Variants in KCNMA1 observed in about 807,000 individuals in gnomAD.
KCNMA1 encodes the protein potassium calcium-activated channel subfamily M alpha 1.
In KCNMA1, 29 loss-of-function variants were observed where a neutral mutation model predicts 140.0. The ratio of observed to expected loss-of-function variants is 0.21; its 90% CI spans 0.15 to 0.28. The LOEUF is 0.28. Among genes scored for constraint, KCNMA1 ranks in the 10% least tolerant of loss-of-function variants. The pLI, the probability that KCNMA1 is intolerant of heterozygous loss-of-function variation, is 1.00. For synonymous variants in KCNMA1, 612 were observed against 611.9 expected (o/e 1.00, Z 0.00); for missense variants, 880 against 1,602.2 (o/e 0.55, Z 7.70).
At chr10:77,448,871 G>A (rs909073041) in intron 1 of KCNMA1, among the ~76,000 whole-genome samples, 37 of 151,998 alleles carry the variant, frequency 2.4e-4, no homozygotes, top group Admixed American at 1.2e-3. Flanking sequence ...GGCAGATTAC[G>A]AGGTCAGGAG....
chr10:77,634,212 TAG>T, intron 1 of KCNMA1: 1 of 985,408 alleles, frequency 1.0e-6, no homozygotes. Context: ...CCCAAGTGAA[TAG>T]AGAGCTCTGA....
intron 14 of KCNMA1, among the ~76,000 whole-genome samples, chr10:77,054,876 A>G (rs1236597424): frequency 6.6e-6 from 1 of 152,140 alleles, no homozygotes; most frequent in Admixed American, 6.5e-5. Context: ...GCCACCTCAC[A>G]TTGTTCTACC....
intron 16 of KCNMA1, among the ~76,000 whole-genome samples, chr10:77,023,739 T>C (rs1254261730): frequency 6.6e-6 from 1 of 152,200 alleles, no homozygotes; most frequent in African/African-American, 2.4e-5. Context: ...TCTTATCACC[T>C]TTCTGGAACT....
intron 2 of KCNMA1, among the ~76,000 whole-genome samples, chr10:77,295,787 C>CAAAAAAAAAAAAAAAA (rs36034012): frequency 1.8e-4 from 8 of 43,262 alleles, no homozygotes; most frequent in African/African-American, 4.3e-4. Context: ...GACTCCGTCT[C>CAAAAAAAAAAAAAAAA]AAAAAAAAAA....
intron 7 of KCNMA1, among the ~76,000 whole-genome samples, chr10:77,111,275 G>A (rs750095900): frequency 5.3e-5 from 8 of 152,258 alleles, no homozygotes; most frequent in Non-Finnish European, 1.2e-4. Context: ...AGGGCCTGTA[G>A]ACGGTGGCCC....
At chr10:77,383,640 T>C (rs2095503706) in intron 2 of KCNMA1, among the ~76,000 whole-genome samples, 1 of 152,168 alleles carries the variant, frequency 6.6e-6, no homozygotes, top group Admixed American at 6.5e-5. Context: ...TATCAATAAG[T>C]AATCAATATA....
chr10:76,981,527 G>C (rs1241106346), intron 19 of KCNMA1, among the ~76,000 whole-genome samples: 1 of 152,086 alleles, frequency 6.6e-6, no homozygotes, highest in East Asian at 1.9e-4. Flanking sequence ...TCTGCTGGGA[G>C]GTCATGGGAT....
intron 2 of KCNMA1, among the ~76,000 whole-genome samples, chr10:77,393,196 C>A (rs1270109523): frequency 6.6e-6 from 1 of 152,182 alleles, no homozygotes. Context: ...TTGCCTGGGG[C>A]ATTCAGAGCC....
intron 5 of KCNMA1, among the ~76,000 whole-genome samples, chr10:77,123,148 C>G (rs1314782930): frequency 7.9e-6 from 1 of 127,100 alleles, no homozygotes; most frequent in African/African-American, 3.2e-5. Flanking sequence ...CCACTGCACT[C>G]CAGCCTGGGC....
At chr10:77,263,407 C>T (rs2062551663) in intron 2 of KCNMA1, among the ~76,000 whole-genome samples, 1 of 152,062 alleles carries the variant, frequency 6.6e-6, no homozygotes, top group Non-Finnish European at 1.5e-5. Flanking sequence ...AAAGAGTGTT[C>T]CCTTCATCCT....
chr10:77,354,295 T>C (rs2093260610), intron 2 of KCNMA1: 1 of 152,276 alleles, frequency 6.6e-6, no homozygotes, highest in African/African-American at 2.4e-5. Flanking sequence ...AACTCAGGCC[T>C]GCCTGCCTGT....
chr10:77,620,267 G>A (rs911459176), intron 1 of KCNMA1, among the ~76,000 whole-genome samples: 2 of 152,146 alleles, frequency 1.3e-5, no homozygotes, highest in African/African-American at 4.8e-5. Context: ...TGGCCGCCGG[G>A]CCTGGCCGCC....
At chr10:77,294,435 T>C (rs1014526814) in intron 2 of KCNMA1, among the ~76,000 whole-genome samples, 22 of 152,204 alleles carry the variant, frequency 1.4e-4, no homozygotes, top group Admixed American at 1.1e-3. Flanking sequence ...TCTCTAAGCA[T>C]ATGTTCATAT....
chr10:77,360,963 C>G (rs1328161370), intron 2 of KCNMA1, among the ~76,000 whole-genome samples: 1 of 151,988 alleles, frequency 6.6e-6, no homozygotes, highest in South Asian at 2.1e-4. Flanking sequence ...GAATAGTGAC[C>G]CTGGGGCTCT....
chr10:76,884,137 TC>T, downstream of KCNMA1: 1 of 203,310 alleles, frequency 4.9e-6, no homozygotes, highest in Non-Finnish European at 8.7e-6. Flanking sequence ...CGGATTTACT[TC>T]TCTCTATCTG....
intron 1 of KCNMA1, among the ~76,000 whole-genome samples, chr10:77,540,057 C>T (rs899273335): frequency 1.3e-5 from 2 of 152,172 alleles, no homozygotes; most frequent in Non-Finnish European, 2.9e-5. Flanking sequence ...CTGGACCATC[C>T]CTTGGAGCAT....
chr10:77,341,136 C>T (rs186434072), intron 2 of KCNMA1, among the ~76,000 whole-genome samples: 185 of 152,292 alleles, frequency 1.2e-3, no homozygotes, highest in African/African-American at 1.9e-3. Flanking sequence ...TCTTAGACAC[C>T]TCACCGTTCT....
At chr10:77,130,892 CTATCT>C (rs1485658273) in intron 5 of KCNMA1, among the ~76,000 whole-genome samples, 2 of 152,230 alleles carry the variant, frequency 1.3e-5, no homozygotes, top group East Asian at 3.9e-4. Context: ...ACACATATGT[CTATCT>C]CCACAATGAT....
chr10:77,573,868 C>T (rs1213253992), intron 1 of KCNMA1, among the ~76,000 whole-genome samples: 19 of 146,190 alleles, frequency 1.3e-4, no homozygotes, highest in African/African-American at 4.5e-4. Context: ...GACAGGGTCT[C>T]ACTCTGTCAC....
Sources: gnomAD v4.1 joint callset for allele counts (sites outside exome capture counted in the v4.1 genomes callset) on GRCh38, gnomAD v4.1.1 for gene constraint, MANE v1.5 for transcripts, NCBI Gene and HGNC (gene_info 2026-07-23, HGNC 2026-07-21) for gene names.